The following NRXN3 variants were observed in gnomAD, a reference collection of about 807,000 sequenced individuals.
NRXN3 encodes neurexin 3.
In NRXN3, 32 loss-of-function variants were observed where a neutral mutation model predicts 137.6. The ratio of observed to expected loss-of-function variants is 0.23; its 90% confidence interval spans 0.18 to 0.31. NRXN3 has a LOEUF of 0.31. NRXN3 is among the 10% of genes least tolerant of loss of function. NRXN3 has a pLI of 1.00. For missense variants in NRXN3, 1,574 were observed against 2,062.5 expected (o/e 0.76, Z 4.59); for synonymous variants, 798 against 784.5 (o/e 1.02, Z -0.29).
At chr14:79,763,338 C>G (rs906088139) in intron 19 of NRXN3, among the ~76,000 whole-genome samples, 12 of 92,688 alleles carry the variant, frequency 1.3e-4, no homozygotes. Context: ...CATACATGTG[C>G]ATGTGTCTTT....
chr14:78,691,802 C>T (rs749465387), intron 6 of NRXN3, among the ~76,000 whole-genome samples: 7 of 152,136 alleles, frequency 4.6e-5, no homozygotes, highest in Non-Finnish European at 1.0e-4. Flanking sequence ...CTTCTAACCT[C>T]CATCCTTGAA....
intron 10 of NRXN3, among the ~76,000 whole-genome samples, chr14:78,871,962 A>T (rs1011576156): frequency 6.6e-6 from 1 of 151,870 alleles, no homozygotes; most frequent in African/African-American, 2.4e-5. Flanking sequence ...GTGTAAAAAC[A>T]TAGATATTCC....
intron 3 of NRXN3, among the ~76,000 whole-genome samples, chr14:78,288,709 G>A (rs2075456003): frequency 6.6e-6 from 1 of 152,102 alleles, no homozygotes; most frequent in Non-Finnish European, 1.5e-5. Context: ...CTGCTCCTTT[G>A]GCCCCTAGAG....
At chr14:79,679,282 C>T (rs2098657327) in intron 17 of NRXN3, among the ~76,000 whole-genome samples, 2 of 152,082 alleles carry the variant, frequency 1.3e-5, no homozygotes, top group South Asian at 2.1e-4. Flanking sequence ...AAAGTATTGC[C>T]TTTGTGCTAG....
At chr14:79,510,880 A>T (rs989820389) in intron 16 of NRXN3, among the ~76,000 whole-genome samples, 14 of 152,286 alleles carry the variant, frequency 9.2e-5, no homozygotes, top group African/African-American at 3.1e-4. Flanking sequence ...TCCCAGCTCA[A>T]GCAGGGAGAG....
chr14:78,854,311 C>T (rs185903770), intron 10 of NRXN3, among the ~76,000 whole-genome samples: 49 of 152,254 alleles, frequency 3.2e-4, no homozygotes, highest in Middle Eastern at 3.4e-3. Flanking sequence ...CTTACCTTGG[C>T]GGGCTAGTGG....
chr14:78,415,882 A>G (rs1242340240), intron 4 of NRXN3, among the ~76,000 whole-genome samples: 1 of 152,158 alleles, frequency 6.6e-6, no homozygotes, highest in Non-Finnish European at 1.5e-5. Flanking sequence ...CCAAGAACCC[A>G]ACTATGCCGG....
chr14:78,225,977 GTGTGTGTGT>G (rs2064553485), intron 1 of NRXN3, among the ~76,000 whole-genome samples: 3 of 70,742 alleles, frequency 4.2e-5, no homozygotes, highest in Non-Finnish European at 1.0e-4. Flanking sequence ...GTGTGTTGGT[GTGTGTGTGT>G]GTGTGTGTGT....
At chr14:78,809,917 A>T (rs2098900445) in intron 9 of NRXN3, among the ~76,000 whole-genome samples, 1 of 152,076 alleles carries the variant, frequency 6.6e-6, no homozygotes. Context: ...ATAGAATATA[A>T]CCTGCATTTG....
intron 8 of NRXN3, among the ~76,000 whole-genome samples, chr14:78,731,863 A>G (rs1167889563): frequency 1.2e-5 from 1 of 84,764 alleles, no homozygotes; most frequent in Non-Finnish European, 2.7e-5. Context: ...TTTGTCTCAA[A>G]TCATAAAATC....
At chr14:78,267,537 TA>T (rs940281178) in intron 2 of NRXN3, among the ~76,000 whole-genome samples, 14 of 151,518 alleles carry the variant, frequency 9.2e-5, no homozygotes, top group Non-Finnish European at 1.3e-4. Context: ...TACCAAAAGA[TA>T]AAAAAAAATG....
chr14:78,828,837 T>A (rs215515), intron 10 of NRXN3, among the ~76,000 whole-genome samples: 1 of 152,214 alleles, frequency 6.6e-6, no homozygotes, highest in Non-Finnish European at 1.5e-5. Context: ...GCATAAAGAC[T>A]TAAGTGAGTT....
chr14:79,605,877 A>G (rs1439579211), intron 16 of NRXN3, among the ~76,000 whole-genome samples: 1 of 152,202 alleles, frequency 6.6e-6, no homozygotes, highest in Non-Finnish European at 1.5e-5. Context: ...AAAAAGCAGG[A>G]GACAAATGGC....
intron 1 of NRXN3, among the ~76,000 whole-genome samples, chr14:78,196,225 G>A (rs1566947489): frequency 6.6e-6 from 1 of 152,230 alleles, no homozygotes; most frequent in African/African-American, 2.4e-5. Flanking sequence ...GGGACTGTTT[G>A]GCCATGCCAG....
chr14:78,318,229 G>A (rs542586449), intron 4 of NRXN3, among the ~76,000 whole-genome samples: 2 of 152,286 alleles, frequency 1.3e-5, no homozygotes, highest in East Asian at 1.9e-4. Flanking sequence ...TGGTATCCTA[G>A]CATCTGTGGA....
At chr14:78,651,116 T>C in intron 5 of NRXN3, 49 bp from the exon 6 acceptor site, 2 of 1,576,758 alleles carry the variant, frequency 1.3e-6, no homozygotes, top group Non-Finnish European at 1.7e-6. Context: ...TATGATAGGA[T>C]CGTAAGGTCA....
chr14:79,613,931 A>G (rs556343914), intron 16 of NRXN3, among the ~76,000 whole-genome samples: 3 of 152,356 alleles, frequency 2.0e-5, no homozygotes, highest in African/African-American at 7.2e-5. Flanking sequence ...CTTAGTCGAA[A>G]TCACTTTTTT....
intron 20 of NRXN3, among the ~76,000 whole-genome samples, chr14:79,825,144 C>T (rs1245469796): frequency 2.0e-5 from 3 of 151,214 alleles, no homozygotes; most frequent in East Asian, 1.9e-4. Flanking sequence ...TCTGCATCCT[C>T]TGCCAAATGC....
intron 16 of NRXN3, among the ~76,000 whole-genome samples, chr14:79,615,873 A>T (rs2098149333): frequency 6.6e-6 from 1 of 152,194 alleles, no homozygotes; most frequent in African/African-American, 2.4e-5. Flanking sequence ...ATATCAATGT[A>T]TTAAAACAGT....
Sources: allele counts gnomAD v4.1 joint callset (sites outside exome capture counted in the v4.1 genomes callset), GRCh38; gene constraint gnomAD v4.1.1; transcripts MANE v1.5; gene names NCBI Gene and HGNC (gene_info 2026-07-23, HGNC 2026-07-21).